TUT4: variants seen among roughly 807,000 people sequenced by gnomAD.
The protein encoded by TUT4 is terminal uridylyltransferase 4.
In TUT4, 36 loss-of-function variants were observed where a neutral mutation model predicts 192.2. The observed-to-expected ratio is 0.19, with a 90% confidence interval of 0.14 to 0.25. The LOEUF is 0.25. Among genes scored for constraint, TUT4 ranks in the 10% least tolerant of loss-of-function variants. The pLI is 1.00. For missense variants in TUT4, 1,493 were observed against 1,957.2 expected, an observed-to-expected ratio of 0.76 and a Z score of 4.47; for synonymous variants, 618 against 666.0, an observed-to-expected ratio of 0.93 and a Z score of 1.11.
chr1:52,517,078 T>C (rs1009848374), intron 2 of TUT4, among the ~76,000 whole-genome samples: 12 of 152,242 alleles, frequency 7.9e-5, no homozygotes, highest in African/African-American at 2.2e-4. Context: ...CCCTTCTCCA[T>C]TGATGCTCCC....
intron 3 of TUT4, among the ~76,000 whole-genome samples, chr1:52,511,135 C>G (rs1055262492): frequency 6.6e-6 from 1 of 152,142 alleles, no homozygotes; most frequent in Non-Finnish European, 1.5e-5. Flanking sequence ...ATAAATATAG[C>G]CATCCCTTAT....
intron 24 of TUT4, 81 bp from the exon 25 acceptor site, chr1:52,438,416 C>A: frequency 1.1e-6 from 1 of 914,784 alleles, no homozygotes. Flanking sequence ...AAGATGCAAA[C>A]ATGGTTTATT....
At chr1:52,522,925 A>G (rs1680670080) in intron 2 of TUT4, among the ~76,000 whole-genome samples, 1 of 151,978 alleles carries the variant, frequency 6.6e-6, no homozygotes, top group Admixed American at 6.6e-5. Flanking sequence ...GCTCTGTCTC[A>G]AAAAATAAAT....
intron 4 of TUT4, among the ~76,000 whole-genome samples, chr1:52,502,295 T>G (rs1251464904): frequency 2.0e-5 from 3 of 152,232 alleles, no homozygotes; most frequent in South Asian, 2.1e-4. Flanking sequence ...ACATCCACAT[T>G]TAAACAGTCA....
At chr1:52,451,968 G>A (rs561256413) in intron 20 of TUT4, among the ~76,000 whole-genome samples, 1 of 152,000 alleles carries the variant, frequency 6.6e-6, no homozygotes, top group East Asian at 1.9e-4. Flanking sequence ...AAAGCACTAG[G>A]CCTAGATGGG....
intron 4 of TUT4, among the ~76,000 whole-genome samples, chr1:52,508,369 T>C (rs1446199155): frequency 1.3e-5 from 2 of 151,466 alleles, no homozygotes; most frequent in Non-Finnish European, 2.9e-5. Context: ...AAGCCCGAGC[T>C]TCCTGGAACT....
intron 7 of TUT4, among the ~76,000 whole-genome samples, chr1:52,491,513 C>T (rs187833756): frequency 4.3e-4 from 66 of 152,136 alleles, no homozygotes; most frequent in African/African-American, 1.5e-3. Flanking sequence ...GATGGTGAAA[C>T]CTCGTCTCTA....
At chr1:52,505,369 T>C (rs747717435) in intron 4 of TUT4, among the ~76,000 whole-genome samples, 9 of 151,896 alleles carry the variant, frequency 5.9e-5, no homozygotes, top group Non-Finnish European at 1.2e-4. Context: ...GCTTTGTAGA[T>C]GTCTTTATCA....
chr1:52,428,463 C>T (rs1650767141), intron 28 of TUT4, among the ~76,000 whole-genome samples: 1 of 151,944 alleles, frequency 6.6e-6, no homozygotes, highest in Non-Finnish European at 1.5e-5. Flanking sequence ...CCCGTCTCTA[C>T]TAAAATACAA....
chr1:52,425,015 C>G (rs1224929219), intron 29 of TUT4: 2 of 178,476 alleles, frequency 1.1e-5, no homozygotes, highest in African/African-American at 4.7e-5. Context: ...AAAAAAAATT[C>G]CTGCATCTCT....
intron 13 of TUT4, among the ~76,000 whole-genome samples, chr1:52,473,315 C>T (rs759918667): frequency 2.0e-5 from 3 of 151,946 alleles, no homozygotes; most frequent in African/African-American, 4.8e-5. Flanking sequence ...TTCATTTGTG[C>T]AAAATAAATA....
chr1:52,511,656 T>C (rs1336706219), intron 3 of TUT4, among the ~76,000 whole-genome samples: 1 of 152,082 alleles, frequency 6.6e-6, no homozygotes, highest in Non-Finnish European at 1.5e-5. Flanking sequence ...GAAAAGTGAA[T>C]GCCAAGGCCC....
chr1:52,550,712 AT>A (rs1689218336), intron 1 of TUT4, among the ~76,000 whole-genome samples: 1 of 152,008 alleles, frequency 6.6e-6, no homozygotes, highest in Non-Finnish European at 1.5e-5. Context: ...TCAGACTGAT[AT>A]CAAACTCCTA....
chr1:52,437,000 T>C (rs1379808456), intron 25 of TUT4, 22 bp from the exon 26 acceptor site: 3 of 1,607,864 alleles, frequency 1.9e-6, no homozygotes, highest in Non-Finnish European at 1.7e-6. Flanking sequence ...AATGTGGGGC[T>C]AGGGACTTGT....
chr1:52,472,130 C>G (rs1215472857), intron 13 of TUT4, 28 bp from the exon 14 acceptor site: 24 of 1,603,330 alleles, frequency 1.5e-5, no homozygotes, highest in Non-Finnish European at 2.0e-5. Flanking sequence ...GAAATCTAAT[C>G]TAATAAACTT....
At chr1:52,509,457 A>G (rs2149302909) in intron 4 of TUT4, 139 bp downstream of exon 4, 1 of 615,020 alleles carries the variant, frequency 1.6e-6, no homozygotes, top group East Asian at 2.9e-5. Context: ...GGAAGGCAAC[A>G]ATTGCTTCCA....
chr1:52,469,042 A>AATAC (rs1664960200), intron 14 of TUT4, among the ~76,000 whole-genome samples: 2 of 152,122 alleles, frequency 1.3e-5, no homozygotes, highest in African/African-American at 4.8e-5. Flanking sequence ...AGGGGAGTTA[A>AATAC]ATAAAATTAA....
At chr1:52,483,129 G>A (rs1255761868) in intron 9 of TUT4, among the ~76,000 whole-genome samples, 1 of 152,026 alleles carries the variant, frequency 6.6e-6, no homozygotes, top group Admixed American at 6.5e-5. Flanking sequence ...ATTTTCAATG[G>A]GATGGGTGAA....
intron 1 of TUT4, among the ~76,000 whole-genome samples, chr1:52,552,545 G>C (rs1328127891): frequency 6.6e-6 from 1 of 152,240 alleles, no homozygotes; most frequent in Non-Finnish European, 1.5e-5. Flanking sequence ...ACACATGACA[G>C]GGAATCGTAA....
Sources: gnomAD v4.1 joint callset for allele counts (sites outside exome capture counted in the v4.1 genomes callset) on GRCh38, gnomAD v4.1.1 for gene constraint, MANE v1.5 for transcripts, NCBI Gene and HGNC (gene_info 2026-07-23, HGNC 2026-07-21) for gene names.